Variants in CEP85 observed in about 807,000 individuals in gnomAD.
CEP85 encodes the protein centrosomal protein of 85 kDa.
CEP85 carries 58 observed loss-of-function variants against 93.7 expected under a neutral mutation model. That is an observed-to-expected ratio of 0.62 (90% CI 0.50 to 0.77). The LOEUF (loss-of-function observed/expected upper bound fraction) is 0.77. Among genes scored for constraint, CEP85 ranks in the 30% least tolerant of loss-of-function variants. The probability of loss-of-function intolerance (pLI) is 0.00; values close to 1 mark genes in which losing one functional copy is unlikely to be tolerated. For missense variants in CEP85, 868 were observed against 922.0 expected (o/e 0.94, Z 0.76); for synonymous variants, 314 against 338.6 (o/e 0.93, Z 0.80).
chr1:26,242,790 G>T (rs201227126), intron 2 of CEP85, among the ~76,000 whole-genome samples: 3 of 40,900 alleles, frequency 7.3e-5, no homozygotes, highest in Admixed American at 4.9e-4. Flanking sequence ...GCTGCCATTA[G>T]TTTTTTTGTT....
chr1:26,264,285 C>T (rs1036400679), intron 7 of CEP85, among the ~76,000 whole-genome samples: 2 of 152,202 alleles, frequency 1.3e-5, no homozygotes, highest in Non-Finnish European at 2.9e-5. Flanking sequence ...GTGATCCCAG[C>T]ACTTTGGGAG....
chr1:26,256,928 G>GTGTGTGTGTGTGTGTGT (rs199539021), intron 4 of CEP85, among the ~76,000 whole-genome samples: 6,461 of 111,274 alleles, frequency 0.058, 338 homozygotes, highest in Non-Finnish European at 0.082. Flanking sequence ...GTTTTGTTTT[G>GTGTGTGTGTGTGTGTGT]GTGTGTGTGT....
chr1:26,246,826 TAAGAAA>T (rs2089516875), intron 3 of CEP85, among the ~76,000 whole-genome samples: 1 of 151,380 alleles, frequency 6.6e-6, no homozygotes, highest in African/African-American at 2.4e-5. Context: ...AGAGCACCGT[TAAGAAA>T]AAGAAAATAA....
In CEP85 at chr1:26,259,654, T is replaced by G; in HGVS notation, c.1193T>G (p.Phe398Cys). The G allele has an allele frequency of 1.2e-6, 2 of 1,612,926 alleles. No individual in the cohort carries two copies. The highest frequency in any genetic ancestry group is 1.7e-6 in the Non-Finnish European group (2 of 1,179,586). Residue 398 changes from phenylalanine (F) to cysteine (C), a missense_variant, in exon 7 of 14, where the codon TTT (phenylalanine) becomes TGT (cysteine). Coordinates refer to ENST00000451429, the MANE Select transcript of CEP85 (RefSeq NM_001319944.2). The part of the protein sequence containing the change: ...QRENTFLRAQ[F>C]AQKTEALSRE... ...GAAAACACTTTCTTACGTGCACAGT[T>G]TGCACAGAAGACAGAAGCCTTGAGC... is the stretch of plus-strand genomic sequence containing the variant.
intron 7 of CEP85, among the ~76,000 whole-genome samples, chr1:26,266,236 A>G (rs11247892): frequency 0.53 from 80,171 of 151,448 alleles, 22,562 homozygotes; most frequent in Non-Finnish European, 0.65. Flanking sequence ...TTTTCTTTAA[A>G]TATTAGCTGG....
chr1:26,249,671 A>G lies in CEP85; in HGVS notation c.208+5353A>G, dbSNP rs1387106628. On this transcript the variant is annotated intron_variant, in intron 3 of 13. Coordinates refer to ENST00000451429, the MANE Select transcript of CEP85 (RefSeq NM_001319944.2). ...ATCACTTCAGGTGTAGACTGAAGTG[A>G]CTGAGATTTGGTAATAGCTGAATCT... Among the ~76,000 whole-genome samples, 3 of 152,114 alleles carry G rather than the reference A, an allele frequency of 2.0e-5. No individual in the cohort carries two copies. The East Asian group carries it at 5.8e-4, about 29-fold the overall frequency.
rs777426552 is a variant in CEP85 at position 26,276,688 on chromosome 1, G to A, written c.2056G>A (p.Ala686Thr). ...GGCCAGTTGCCTTCAAGATCTGCAG[G>A]CTGTCTGTAGCATTGTGACCCAGAG... The part of the protein sequence containing the change: ...ELASCLQDLQ[A>T]VCSIVTQRAQ... Residue 686 changes from alanine to threonine, a missense_variant, in exon 13 of 14, where the codon GCT (alanine) becomes ACT (threonine). Physicochemically the swap from Ala to Thr is moderately conservative, Grantham distance 58. Transcript: ENST00000451429. The A allele has an allele frequency of 6.2e-7, 1 of 1,614,156 alleles. No homozygotes were observed. The highest frequency in any genetic ancestry group is 8.5e-7 in the Non-Finnish European group (1 of 1,180,032).
chr1:26,251,588 C>T (rs1020514466), intron 3 of CEP85, among the ~76,000 whole-genome samples: 2 of 152,170 alleles, frequency 1.3e-5, no homozygotes, highest in Non-Finnish European at 2.9e-5. Flanking sequence ...GCTTTGAGAA[C>T]TAACTCACTT....
At chr1:26,256,824 C>G (rs1051649154) in intron 4 of CEP85, among the ~76,000 whole-genome samples, 3 of 151,704 alleles carry the variant, frequency 2.0e-5, no homozygotes, top group Non-Finnish European at 4.4e-5. Context: ...GTCTCGAACT[C>G]CTGACCTTGT....
intron 4 of CEP85, 43 bp from the exon 5 acceptor site, chr1:26,257,553 GT>G (rs781118997): frequency 1.9e-6 from 3 of 1,610,120 alleles, no homozygotes; most frequent in Non-Finnish European, 2.5e-6. Context: ...TTTCAGGCGT[GT>G]ATGGGTCAAG....
At chr1:26,260,664 A>G (rs192056580) in intron 7 of CEP85, among the ~76,000 whole-genome samples, 2 of 152,266 alleles carry the variant, frequency 1.3e-5, no homozygotes, top group Admixed American at 1.3e-4. Flanking sequence ...AGTAATGTTA[A>G]AGTTCTAGAC....
chr1:26,243,539 AGTAGG>A (rs1317713820), intron 2 of CEP85, among the ~76,000 whole-genome samples: 1 of 152,188 alleles, frequency 6.6e-6, no homozygotes, highest in Non-Finnish European at 1.5e-5. Context: ...CTTTTCAGTA[AGTAGG>A]TAGGCAAGAT....
chr1:26,245,683 T>C (rs1004882729), intron 3 of CEP85, among the ~76,000 whole-genome samples: 1 of 152,188 alleles, frequency 6.6e-6, no homozygotes, highest in Admixed American at 6.5e-5. Context: ...ATAGATACTA[T>C]AAATTTTTTC....
At chr1:26,262,528 A>G (rs987204211) in intron 7 of CEP85, among the ~76,000 whole-genome samples, 3 of 151,978 alleles carry the variant, frequency 2.0e-5, no homozygotes, top group Non-Finnish European at 4.4e-5. Context: ...GGGGGATGTG[A>G]CTGTTGGAAG....
At position 26,276,532 on chromosome 1, in the gene CEP85, C is replaced by A. The variant is rs747172784; in HGVS notation, c.1903-3C>A. 12 of 1,613,218 alleles carry A rather than the reference C, an allele frequency of 7.4e-6. No individual in the cohort carries two copies. Among genetic ancestry groups the A allele is most frequent in the Non-Finnish European group, 1.0e-5 (12 of 1,179,168 alleles). ...TAATGTGCTTACCCATCTGTCTGCT[C>A]AGCTTTCAGTGCAAAACCAGGACTT... On this transcript the variant is annotated splice_region_variant and splice_polypyrimidine_tract_variant and intron_variant, in intron 12 of 13. Transcript: ENST00000451429.
chr1:26,240,823 G>A (rs1248494357), intron 2 of CEP85, among the ~76,000 whole-genome samples: 2 of 152,006 alleles, frequency 1.3e-5, no homozygotes, highest in African/African-American at 2.4e-5. Flanking sequence ...ACTTGAACAC[G>A]GGAAGCAGAG....
Position 26,277,189 on chromosome 1 carries a change from A to C in CEP85, c.2182A>C (p.Lys728Gln), listed in dbSNP as rs140634598. 12 of 1,614,080 alleles carry C rather than the reference A, an allele frequency of 7.4e-6. No individual in the cohort carries two copies. The African/African-American group carries it at 1.3e-4, about 18-fold the overall frequency. Reference protein sequence around the residue: ...DLQKPDVIKRKLEEVQQLRRD... With the variant: ...DLQKPDVIKRQLEEVQQLRRD... ...GCAGAAGCCAGATGTGATCAAGAGG[A>C]AACTAGAAGAGGTTCAACAGCTGCG... The change falls in exon 14 of 14, where the codon AAA (lysine) becomes CAA (glutamine). Residue 728 changes from lysine to glutamine, a missense_variant. Transcript: ENST00000451429.
intron 11 of CEP85, among the ~76,000 whole-genome samples, chr1:26,273,455 T>C (rs984769257): frequency 7.2e-5 from 11 of 152,194 alleles, no homozygotes; most frequent in African/African-American, 2.7e-4. Flanking sequence ...TTTTAATACA[T>C]ACCCATTTAA....
At chr1:26,235,388 G>T (rs2089309322) in intron 1 of CEP85, among the ~76,000 whole-genome samples, 1 of 152,108 alleles carries the variant, frequency 6.6e-6, no homozygotes, top group African/African-American at 2.4e-5. Context: ...TCTTGTCAAG[G>T]ATTTGGCTTC....
Sources: allele counts gnomAD v4.1 joint callset (sites outside exome capture counted in the v4.1 genomes callset), GRCh38; gene constraint gnomAD v4.1.1; transcripts MANE v1.5; gene names NCBI Gene and HGNC (gene_info 2026-07-23, HGNC 2026-07-21).